COX7B2: variants seen among roughly 807,000 people sequenced by gnomAD.
COX7B2 encodes cytochrome c oxidase subunit 7B2.
For synonymous variants in COX7B2, 37 were observed against 32.1 expected (o/e 1.15, Z -0.51); for missense variants, 109 against 95.9 (o/e 1.14, Z -0.57).
chr4:46,743,098 G>T (rs1714810583), intron 2 of COX7B2, among the ~76,000 whole-genome samples: 1 of 152,162 alleles, frequency 6.6e-6, no homozygotes, highest in Admixed American at 6.5e-5. Flanking sequence ...AGGCTTTTCT[G>T]TGTGTCACAC....
intron 2 of COX7B2, among the ~76,000 whole-genome samples, chr4:46,834,492 T>G (rs1715379345): frequency 6.6e-6 from 1 of 152,026 alleles, no homozygotes; most frequent in East Asian, 1.9e-4. Flanking sequence ...AGGATAAACA[T>G]GGCATAGCAA....
chr4:46,808,445 C>A (rs1259432809), intron 2 of COX7B2, among the ~76,000 whole-genome samples: 2 of 151,712 alleles, frequency 1.3e-5, no homozygotes, highest in South Asian at 2.1e-4. Flanking sequence ...GGTTTTTTTA[C>A]ATATAGAATT....
At chr4:46,789,731 G>A (rs762483627) in intron 2 of COX7B2, among the ~76,000 whole-genome samples, 3 of 151,944 alleles carry the variant, frequency 2.0e-5, no homozygotes, top group East Asian at 1.9e-4. Context: ...AAGACTAGTC[G>A]TTTTTTCAGT....
At chr4:46,778,093 C>T (rs1342058273) in intron 2 of COX7B2, among the ~76,000 whole-genome samples, 2 of 152,012 alleles carry the variant, frequency 1.3e-5, no homozygotes, top group Non-Finnish European at 2.9e-5. Flanking sequence ...CTTACCTTCA[C>T]AAAGACAAAG....
At chr4:46,891,054 A>G (rs1395835225) in intron 1 of COX7B2, among the ~76,000 whole-genome samples, 2 of 152,182 alleles carry the variant, frequency 1.3e-5, no homozygotes, top group Non-Finnish European at 2.9e-5. Context: ...TTCAGAGTAA[A>G]CTTCAAAAGT....
chr4:46,831,683 C>T (rs1238139290), intron 2 of COX7B2, among the ~76,000 whole-genome samples: 1 of 152,054 alleles, frequency 6.6e-6, no homozygotes, highest in Non-Finnish European at 1.5e-5. Flanking sequence ...CTGGAGGGGA[C>T]TTGGAGAATC....
At position 46,790,431 on chromosome 4, in the gene COX7B2, G is replaced by A. The variant is rs535670044; in HGVS notation, c.-50+54529C>T. 5.9e-5 allele frequency among the ~76,000 whole-genome samples: 9 copies of A among 152,054 alleles called. No individual in the cohort carries two copies. The South Asian group carries it at 1.9e-3, about 32-fold the overall frequency. On this transcript the variant is annotated intron_variant, in intron 2 of 2. Transcript: ENST00000355591. ...TTATATGTTTTTGAGCAATAAGTCT[G>A]GTCACTTCATTTTCAAAACTCAAAT...
At chr4:46,798,059 A>G (rs1718455244) in intron 2 of COX7B2, among the ~76,000 whole-genome samples, 1 of 152,210 alleles carries the variant, frequency 6.6e-6, no homozygotes, top group African/African-American at 2.4e-5. Context: ...CATTGATGAC[A>G]TTATGTTAAT....
At chr4:46,768,933 C>A (rs896272729) in intron 2 of COX7B2, among the ~76,000 whole-genome samples, 1 of 151,816 alleles carries the variant, frequency 6.6e-6, no homozygotes, top group African/African-American at 2.4e-5. Flanking sequence ...TAAATAACTA[C>A]ACAACAATTT....
chr4:46,775,675 A>G (rs1210902542), intron 2 of COX7B2, among the ~76,000 whole-genome samples: 1 of 152,134 alleles, frequency 6.6e-6, no homozygotes, highest in Non-Finnish European at 1.5e-5. Context: ...AAAATCTTCC[A>G]TTACGTATGA....
intron 2 of COX7B2, among the ~76,000 whole-genome samples, chr4:46,836,456 A>T (rs1006627211): frequency 6.6e-6 from 1 of 152,152 alleles, no homozygotes; most frequent in African/African-American, 2.4e-5. Flanking sequence ...ACTATCTTCC[A>T]TCTCCACATC....
intron 1 of COX7B2, among the ~76,000 whole-genome samples, chr4:46,894,110 TG>T (rs1293408041): frequency 6.6e-6 from 1 of 152,172 alleles, no homozygotes; most frequent in East Asian, 1.9e-4. Flanking sequence ...ACAGAGTCAA[TG>T]CTATTCCCAT....
intron 1 of COX7B2, among the ~76,000 whole-genome samples, chr4:46,891,638 A>G (rs1343110836): frequency 6.6e-6 from 1 of 152,204 alleles, no homozygotes; most frequent in Non-Finnish European, 1.5e-5. Flanking sequence ...TTTGAAATAC[A>G]TGTAGTAGAC....
intron 2 of COX7B2, among the ~76,000 whole-genome samples, chr4:46,751,400 ATTAACAT>A (rs909312131): frequency 6.6e-6 from 1 of 152,196 alleles, no homozygotes; most frequent in African/African-American, 2.4e-5. Flanking sequence ...CACTTCTCAC[ATTAACAT>A]TTAATTCTCC....
At chr4:46,802,623 A>G (rs138499697) in intron 2 of COX7B2, among the ~76,000 whole-genome samples, 115 of 152,276 alleles carry the variant, frequency 7.6e-4, no homozygotes, top group Middle Eastern at 3.4e-3. Flanking sequence ...CAGTACTGCA[A>G]TCTACTTGAG....
At chr4:46,851,418 A>G (rs767650560) in intron 1 of COX7B2, among the ~76,000 whole-genome samples, 7 of 152,094 alleles carry the variant, frequency 4.6e-5, no homozygotes, top group Non-Finnish European at 7.4e-5. Flanking sequence ...TTTTATTTTG[A>G]AGTAATTTAG....
intron 2 of COX7B2, among the ~76,000 whole-genome samples, chr4:46,797,764 A>G (rs866802954): frequency 3.9e-5 from 6 of 152,318 alleles, no homozygotes; most frequent in African/African-American, 1.4e-4. Context: ...CATAAGCTTA[A>G]TAAGGTGGTG....
At chr4:46,821,897 T>TG (rs1353024799) in intron 2 of COX7B2, among the ~76,000 whole-genome samples, 1 of 151,890 alleles carries the variant, frequency 6.6e-6, no homozygotes, top group African/African-American at 2.4e-5. Flanking sequence ...ATTCATTTTT[T>TG]TTTGTTTGTT....
intron 2 of COX7B2, among the ~76,000 whole-genome samples, chr4:46,841,335 CTGTGTGTGTGTGTG>C (rs145768502): frequency 7.9e-5 from 11 of 139,882 alleles, no homozygotes; most frequent in East Asian, 2.1e-4. Flanking sequence ...CAAATGTGCT[CTGTGTGTGTGTGTG>C]TGTGTGTGTG....
Sources: allele counts gnomAD v4.1 joint callset (sites outside exome capture counted in the v4.1 genomes callset), GRCh38; gene constraint gnomAD v4.1.1; transcripts MANE v1.5; gene names NCBI Gene and HGNC (gene_info 2026-07-23, HGNC 2026-07-21).